The following CTIF variants were observed in gnomAD, a reference collection of about 807,000 sequenced individuals.
CTIF encodes cap binding complex dependent translation initiation factor.
A neutral mutation model predicts 66.0 loss-of-function variants in CTIF; 21 were observed. The observed-to-expected ratio is 0.32, with a 90% CI of 0.23 to 0.46. The LOEUF (loss-of-function observed/expected upper bound fraction) is 0.46, where lower values mean the gene tolerates loss of function less well. CTIF is among the 20% of genes least tolerant of loss of function. The pLI is 1.00. For synonymous variants in CTIF, 345 were observed against 326.4 expected, an observed-to-expected ratio of 1.06 and a Z score of -0.62; for missense variants, 739 against 812.7, an observed-to-expected ratio of 0.91 and a Z score of 1.10.
rs1027334117 is a variant in CTIF at position 48,565,620 on chromosome 18, T to G, written c.-29+26308T>G. The G allele has an allele frequency of 3.3e-5, 5 of 152,218 alleles. No individual in the cohort carries two copies. In the East Asian group the frequency reaches 9.6e-4, roughly 29 times the overall value. The allele number at this position is 152,218 out of a possible 1,614,324, so 9.4% of individuals were successfully genotyped here. A position where few individuals can be genotyped will look rare whatever the true frequency, so the allele number is the denominator to read the frequency against. On this transcript the variant is annotated intron_variant, in intron 1 of 11. Coordinates refer to ENST00000256413, the MANE Select transcript of CTIF (RefSeq NM_014772.3). ...GCAGGGCCTCTGTGCTTTAGTTCCCTGATCTGTAAAATAAGGGATCATAAT... is the reference window on the plus strand; with the variant it reads ...GCAGGGCCTCTGTGCTTTAGTTCCCGGATCTGTAAAATAAGGGATCATAAT...
At position 48,619,709 on chromosome 18, in the gene CTIF, T is replaced by C; in HGVS notation, c.144T>C (p.Asp48=). ...TGCTGGCTGACAAGACGGAGGGTGATGGCGAGAGCGAGAGGACCCAGTCCC... is the reference window on the plus strand; with the variant it reads ...TGCTGGCTGACAAGACGGAGGGTGACGGCGAGAGCGAGAGGACCCAGTCCC... ...QGLLADKTEG[D]GESERTQSHI... The change falls in exon 2 of 12, where the codon GAT becomes GAC. Residue 48 remains aspartate (D), a synonymous_variant. Transcript: ENST00000256413. The C allele has an allele frequency of 3.1e-6, 5 of 1,606,148 alleles. No homozygotes were observed. Among genetic ancestry groups the C allele is most frequent in the Non-Finnish European group, 4.2e-6 (5 of 1,176,646 alleles).
intron 10 of CTIF, among the ~76,000 whole-genome samples, chr18:48,855,099 C>G (rs907559719): frequency 2.0e-5 from 3 of 152,220 alleles, no homozygotes; most frequent in African/African-American, 4.8e-5. Context: ...CGCAGGCGCT[C>G]GGCAGGTACT....
At chr18:48,660,423 CG>C (rs1415406472) in intron 3 of CTIF, among the ~76,000 whole-genome samples, 3 of 152,204 alleles carry the variant, frequency 2.0e-5, no homozygotes, top group African/African-American at 7.2e-5. Flanking sequence ...TGCAGATGCA[CG>C]GAAGGGTGGG....
chr18:48,545,888 C>T (rs190790445), intron 1 of CTIF, among the ~76,000 whole-genome samples: 64 of 151,988 alleles, frequency 4.2e-4, no homozygotes, highest in Middle Eastern at 3.4e-3. Flanking sequence ...CGGCCGCTGT[C>T]GTCAGGGAAG....
chr18:48,580,808 C>A (rs116150668), intron 1 of CTIF, among the ~76,000 whole-genome samples: 3,136 of 152,312 alleles, frequency 0.021, 110 homozygotes, highest in African/African-American at 0.067. Flanking sequence ...GGTTTCCACT[C>A]CCACCTCAAG....
intron 6 of CTIF, among the ~76,000 whole-genome samples, chr18:48,700,546 C>G (rs2092069969): frequency 6.6e-6 from 1 of 152,194 alleles, no homozygotes; most frequent in Non-Finnish European, 1.5e-5. Context: ...GGCAGGGGCT[C>G]CCTCCCTGCT....
chr18:48,610,964 C>T (rs772273038), intron 1 of CTIF, among the ~76,000 whole-genome samples: 14 of 152,158 alleles, frequency 9.2e-5, no homozygotes, highest in African/African-American at 1.2e-4. Flanking sequence ...CCCAGAACTG[C>T]GCTTGGGGTC....
rs1272474206 is a variant in CTIF at position 48,860,214 on chromosome 18, G to A, written c.*655G>A. 6 of 335,992 alleles carry A rather than the reference G, an allele frequency of 1.8e-5. No homozygotes were observed. In the East Asian group the frequency reaches 3.1e-4, roughly 17 times the overall value. 20.8% of individuals were successfully genotyped at this position (335,992 alleles called of 1,614,324 possible). ...GCCTAGGGGGTCAGGCGCAGCGGGG[G>A]AGATGGAGTTTGCAGTTCCACTTGC... On this transcript the variant is annotated 3_prime_UTR_variant, in exon 12 of 12. Transcript: ENST00000256413.
intron 1 of CTIF, among the ~76,000 whole-genome samples, chr18:48,600,986 A>G (rs1599221014): frequency 1.3e-5 from 2 of 152,078 alleles, no homozygotes; most frequent in East Asian, 3.9e-4. Flanking sequence ...CCACGTAGAC[A>G]CTGTGTTTCC....
At chr18:48,683,878 T>C (rs1352576080) in intron 6 of CTIF, among the ~76,000 whole-genome samples, 5 of 152,114 alleles carry the variant, frequency 3.3e-5, no homozygotes, top group African/African-American at 4.8e-5. Flanking sequence ...CCCTGAAAAT[T>C]TGGGGCCCAG....
chr18:48,573,231 C>G (rs977024633), intron 1 of CTIF, among the ~76,000 whole-genome samples: 1 of 152,288 alleles, frequency 6.6e-6, no homozygotes, highest in Admixed American at 6.5e-5. Context: ...AGGTCTGGCT[C>G]AGCCCACAGA....
chr18:48,815,556 T>C (rs2068345721), intron 9 of CTIF, among the ~76,000 whole-genome samples: 1 of 152,224 alleles, frequency 6.6e-6, no homozygotes, highest in African/African-American at 2.4e-5. Flanking sequence ...AGTATATACT[T>C]TTTTGTAACT....
chr18:48,811,170 T>C (rs1416272977), intron 9 of CTIF, among the ~76,000 whole-genome samples: 2 of 152,166 alleles, frequency 1.3e-5, no homozygotes, highest in Non-Finnish European at 2.9e-5. Context: ...TACTATAAAA[T>C]TCTTATTTAA....
At chr18:48,739,580 C>A (rs368850692) in intron 7 of CTIF, among the ~76,000 whole-genome samples, 1 of 152,210 alleles carries the variant, frequency 6.6e-6, no homozygotes, top group African/African-American at 2.4e-5. Context: ...CTGTCATCAC[C>A]GCCACTCACA....
intron 1 of CTIF, among the ~76,000 whole-genome samples, chr18:48,607,174 C>A (rs193225542): frequency 1.9e-4 from 29 of 152,278 alleles, no homozygotes; most frequent in Admixed American, 9.1e-4. Context: ...GGCAGCTGTG[C>A]TGTGTTGTCT....
chr18:48,762,145 C>T (rs1038935486), intron 9 of CTIF, among the ~76,000 whole-genome samples: 2 of 152,216 alleles, frequency 1.3e-5, no homozygotes, highest in African/African-American at 4.8e-5. Context: ...AGTAAAGCCA[C>T]ACATGAGCAG....
chr18:48,648,491 A>G (rs1252781894), intron 3 of CTIF, among the ~76,000 whole-genome samples: 2 of 147,082 alleles, frequency 1.4e-5, no homozygotes, highest in Admixed American at 6.7e-5. Context: ...ACACACACGC[A>G]CACACACACA....
chr18:48,846,170 A>G (rs926936514), intron 10 of CTIF, among the ~76,000 whole-genome samples: 5 of 151,864 alleles, frequency 3.3e-5, no homozygotes, highest in African/African-American at 9.7e-5. Context: ...AGCACATTCC[A>G]CCCCCAGCAC....
intron 2 of CTIF, among the ~76,000 whole-genome samples, chr18:48,632,561 CT>C (rs1207077200): frequency 1.3e-5 from 2 of 152,190 alleles, no homozygotes; most frequent in Non-Finnish European, 2.9e-5. Context: ...CACTTCCCCC[CT>C]GGGCCAGTTC....
Sources: allele counts gnomAD v4.1 joint callset (sites outside exome capture counted in the v4.1 genomes callset), GRCh38; gene constraint gnomAD v4.1.1; transcripts MANE v1.5; gene names NCBI Gene and HGNC (gene_info 2026-07-23, HGNC 2026-07-21).